Variants in CEP85L observed in about 807,000 individuals in gnomAD.
CEP85L encodes centrosomal protein of 85 kDa-like.
CEP85L carries 60 observed loss-of-function variants against 100.3 expected under a neutral mutation model. The observed-to-expected ratio is 0.60, with a 90% CI of 0.49 to 0.74. CEP85L has a LOEUF of 0.74. Among genes scored for constraint, CEP85L ranks in the 30% least tolerant of loss-of-function variants. CEP85L has a pLI of 0.00. For missense variants in CEP85L, 973 were observed against 936.2 expected, an observed-to-expected ratio of 1.04 and a Z score of -0.51; for synonymous variants, 319 against 322.7, an observed-to-expected ratio of 0.99 and a Z score of 0.12.
At chr6:118,466,361 G>A (rs1168578238) in intron 12 of CEP85L, among the ~76,000 whole-genome samples, 7 of 152,146 alleles carry the variant, frequency 4.6e-5, no homozygotes, top group African/African-American at 1.2e-4. Flanking sequence ...CCATGATATA[G>A]GAACTATGTT....
Position 118,662,110 on chromosome 6 carries a change from A to T in CEP85L, c.-27-9302T>A, listed in dbSNP as rs80212582. 4.0e-4 allele frequency among the ~76,000 whole-genome samples: 61 copies of T among 152,344 alleles called. No homozygotes were observed. In the East Asian group the frequency reaches 0.011, roughly 28 times the overall value. On this transcript the variant is annotated intron_variant, in intron 1 of 13. Transcript: ENST00000368488. ...TAGGTAATCTAATCTTGCTAAGAAA[A>T]GGGGCGAATAATTCACAAGAAAAAC...
Position 118,583,984 on chromosome 6 carries a change from G to A in CEP85L, c.233-17668C>T, listed in dbSNP as rs560124142. 3.4e-4 allele frequency among the ~76,000 whole-genome samples: 52 copies of A among 152,286 alleles called. No homozygotes were observed. In the East Asian group the frequency reaches 7.5e-3, roughly 22 times the overall value. ...CCGTTACATCCTGACTGTCAATACC[G>A]GTTTGCCTTCAAATATTCCTCCAGC... is the stretch of plus-strand genomic sequence containing the variant. On this transcript the variant is annotated intron_variant, in intron 2 of 12. Transcript: ENST00000368491.
chr6:118,529,258 T>A (rs1205627876), intron 3 of CEP85L, among the ~76,000 whole-genome samples: 1 of 152,190 alleles, frequency 6.6e-6, no homozygotes, highest in Non-Finnish European at 1.5e-5. Flanking sequence ...TTATCTTCTC[T>A]TACACATTTG....
At chr6:118,673,960 C>G (rs17080474) in intron 1 of CEP85L, among the ~76,000 whole-genome samples, 1,763 of 152,282 alleles carry the variant, frequency 0.012, 47 homozygotes, top group African/African-American at 0.04. Context: ...GAGTTACCAA[C>G]AAGATTCAAA....
intron 4 of CEP85L, among the ~76,000 whole-genome samples, chr6:118,512,417 G>A (rs1582947229): frequency 6.6e-6 from 1 of 152,162 alleles, no homozygotes; most frequent in Non-Finnish European, 1.5e-5. Context: ...GGAATTACTG[G>A]CTATTCCCAA....
rs1772257876 is a variant in CEP85L at position 118,461,990 on chromosome 6, A to C, written c.*3415T>G. ...ATGAACTATTACTGATATTTAAAGA[A>C]CATTTTCCCAATTAAGTAGCTCCTT... On this transcript the variant is annotated 3_prime_UTR_variant, in exon 13 of 13. Transcript: ENST00000368491. 6.6e-6 allele frequency: 1 copy of C among 152,034 alleles called. No homozygotes were observed. Among genetic ancestry groups the C allele is most frequent in the Non-Finnish European group, 1.5e-5 (1 of 67,898 alleles). 9.4% of individuals were successfully genotyped at this position (152,034 alleles called of 1,614,324 possible).
intron 1 of CEP85L, among the ~76,000 whole-genome samples, chr6:118,645,366 C>T (rs912255337): frequency 2.0e-5 from 3 of 152,152 alleles, no homozygotes; most frequent in African/African-American, 7.2e-5. Context: ...CTTACTGATC[C>T]TCCCCTCTAA....
In CEP85L at chr6:118,570,401, T is replaced by C. The variant is rs184910454; in HGVS notation, c.233-4085A>G. Among the ~76,000 whole-genome samples, 451 of 152,316 alleles carry C rather than the reference T, an allele frequency of 3.0e-3. 2 individuals carry two copies. The highest frequency in any genetic ancestry group is 0.01 in the African/African-American group (428 of 41,586). On this transcript the variant is annotated intron_variant, in intron 2 of 12. Coordinates refer to ENST00000368491, the MANE Select transcript of CEP85L (RefSeq NM_001042475.3). ...ATCCTCTAAGACCCAGTTTGGCTGC[T>C]TCTTGTATCCAGTAATGGGCTACTT...
chr6:118,495,205 T>C (rs550956230), intron 5 of CEP85L, among the ~76,000 whole-genome samples: 1 of 152,098 alleles, frequency 6.6e-6, no homozygotes, highest in South Asian at 2.1e-4. Context: ...AATGCTGGAA[T>C]GAGTTAAGGC....
At chr6:118,558,931 G>A in intron 3 of CEP85L, 1 of 1,613,808 alleles carries the variant, frequency 6.2e-7, no homozygotes, top group Non-Finnish European at 8.5e-7. Flanking sequence ...CATGGAGAAA[G>A]TCCAATACCT....
intron 3 of CEP85L, among the ~76,000 whole-genome samples, chr6:118,547,014 T>A (rs1295066238): frequency 6.6e-6 from 1 of 152,154 alleles, no homozygotes; most frequent in Non-Finnish European, 1.5e-5. Flanking sequence ...GAAGCCAAGA[T>A]CATTTCCATT....
At chr6:118,648,597 C>G (rs1291953950) in intron 1 of CEP85L, among the ~76,000 whole-genome samples, 1 of 151,810 alleles carries the variant, frequency 6.6e-6, no homozygotes, top group African/African-American at 2.4e-5. Flanking sequence ...AAAAAATAAC[C>G]CGGGTGTGGT....
At chr6:118,517,993 G>A (rs1441739709) in intron 4 of CEP85L, among the ~76,000 whole-genome samples, 4 of 152,090 alleles carry the variant, frequency 2.6e-5, no homozygotes, top group African/African-American at 4.8e-5. Flanking sequence ...TAAGATAATC[G>A]TGTTGTTTTT....
intron 2 of CEP85L, among the ~76,000 whole-genome samples, chr6:118,599,667 C>T (rs373206065): frequency 3.3e-5 from 5 of 152,126 alleles, no homozygotes; most frequent in African/African-American, 9.7e-5. Context: ...ACCTGGCAAA[C>T]ATATCTTAAA....
At chr6:118,577,263 T>G (rs1235267450) in intron 2 of CEP85L, among the ~76,000 whole-genome samples, 1 of 152,192 alleles carries the variant, frequency 6.6e-6, no homozygotes, top group Non-Finnish European at 1.5e-5. Flanking sequence ...AGCAGATGTA[T>G]GGTGGTATTG....
At chr6:118,642,696 C>T (rs965496473) in intron 1 of CEP85L, among the ~76,000 whole-genome samples, 1 of 152,000 alleles carries the variant, frequency 6.6e-6, no homozygotes, top group Admixed American at 6.6e-5. Context: ...GGTGGATCAC[C>T]TAAGGTCAGG....
intron 3 of CEP85L, among the ~76,000 whole-genome samples, chr6:118,536,115 GAATA>G (rs1350999588): frequency 6.6e-6 from 1 of 151,948 alleles, no homozygotes; most frequent in Non-Finnish European, 1.5e-5. Flanking sequence ...GTTAACAAAG[GAATA>G]GATAATTAAT....
At chr6:118,656,511 G>A (rs1243866306), upstream of CEP85L, among the ~76,000 whole-genome samples, 1 of 152,214 alleles carries the variant, frequency 6.6e-6, no homozygotes, top group South Asian at 2.1e-4. Context: ...ACCTTGGAGT[G>A]TGTCTCTCTG....
intron 1 of CEP85L, among the ~76,000 whole-genome samples, chr6:118,667,233 C>G (rs1258892413): frequency 6.6e-6 from 1 of 152,160 alleles, no homozygotes; most frequent in Non-Finnish European, 1.5e-5. Context: ...AAAAAAATTA[C>G]TAACATGAAG....
Sources: gnomAD v4.1 joint callset for allele counts (sites outside exome capture counted in the v4.1 genomes callset) on GRCh38, gnomAD v4.1.1 for gene constraint, MANE v1.5 for transcripts, NCBI Gene and HGNC (gene_info 2026-07-23, HGNC 2026-07-21) for gene names.